Variants in SH3RF2 observed in about 807,000 individuals in gnomAD.
SH3RF2 encodes SH3 domain containing ring finger 2.
A neutral mutation model predicts 59.0 loss-of-function variants in SH3RF2; 43 were observed. The ratio of observed to expected loss-of-function variants is 0.73; its 90% CI spans 0.57 to 0.94. The LOEUF (loss-of-function observed/expected upper bound fraction) is 0.94. Ranked by LOEUF, SH3RF2 falls within the 40% of genes least tolerant of loss-of-function variation. The probability of loss-of-function intolerance (pLI) is 0.00; values close to 1 mark genes in which losing one functional copy is unlikely to be tolerated. For missense variants in SH3RF2, 930 were observed against 940.1 expected, an observed-to-expected ratio of 0.99 and a Z score of 0.14; for synonymous variants, 391 against 391.5, an observed-to-expected ratio of 1.00 and a Z score of 0.01.
chr5:145,943,301 T>A (rs972230403), intron 2 of SH3RF2, among the ~76,000 whole-genome samples: 1 of 149,850 alleles, frequency 6.7e-6, no homozygotes, highest in Non-Finnish European at 1.5e-5. Flanking sequence ...ACTGTAGTGA[T>A]GAGAAATAGG....
intron 2 of SH3RF2, among the ~76,000 whole-genome samples, chr5:145,950,803 A>G (rs188243860): frequency 1.3e-5 from 2 of 152,334 alleles, no homozygotes; most frequent in Non-Finnish European, 2.9e-5. Context: ...TTCATTCCTA[A>G]CAGAAACCCA....
chr5:146,027,349 T>C (rs1299423570), intron 5 of SH3RF2, among the ~76,000 whole-genome samples: 1 of 152,212 alleles, frequency 6.6e-6, no homozygotes. Context: ...TCGCAGTTTT[T>C]TCTGGGAATG....
chr5:146,038,035 T>A (rs957371859), intron 5 of SH3RF2, among the ~76,000 whole-genome samples: 2 of 152,182 alleles, frequency 1.3e-5, no homozygotes, highest in Non-Finnish European at 2.9e-5. Context: ...ATTAGAAAAT[T>A]AACTGATATA....
chr5:146,009,163 G>C (rs1162084480), intron 4 of SH3RF2, among the ~76,000 whole-genome samples: 1 of 152,170 alleles, frequency 6.6e-6, no homozygotes, highest in African/African-American at 2.4e-5. Context: ...GAATTGATGG[G>C]TCAGATGCTA....
chr5:146,055,640 T>C (rs781222146), intron 7 of SH3RF2, among the ~76,000 whole-genome samples: 6 of 152,204 alleles, frequency 3.9e-5, no homozygotes, highest in Non-Finnish European at 7.3e-5. Context: ...ACATATAGGA[T>C]CTTATGCTCT....
chr5:145,989,065 T>C (rs1759831308), intron 2 of SH3RF2, among the ~76,000 whole-genome samples: 1 of 152,164 alleles, frequency 6.6e-6, no homozygotes, highest in Admixed American at 6.5e-5. Flanking sequence ...GAAAGTTACA[T>C]TTCCCTTGCC....
intron 5 of SH3RF2, among the ~76,000 whole-genome samples, chr5:146,038,244 G>T (rs1762010246): frequency 6.6e-6 from 1 of 152,096 alleles, no homozygotes; most frequent in Non-Finnish European, 1.5e-5. Context: ...GTGAAATGTT[G>T]AAGGCATTTC....
chr5:146,054,601 C>A (rs1211200021), intron 7 of SH3RF2, among the ~76,000 whole-genome samples: 2 of 152,200 alleles, frequency 1.3e-5, no homozygotes, highest in Non-Finnish European at 2.9e-5. Flanking sequence ...CCATGGGGAC[C>A]AGAGACAGGT....
chr5:145,939,505 C>G (rs1294712104), intron 2 of SH3RF2, among the ~76,000 whole-genome samples: 1 of 152,168 alleles, frequency 6.6e-6, no homozygotes, highest in African/African-American at 2.4e-5. Flanking sequence ...ACCCATGGCG[C>G]ATGTGTAAAC....
downstream of SH3RF2, among the ~76,000 whole-genome samples, chr5:146,063,516 A>C (rs1252387024): frequency 6.6e-6 from 1 of 152,226 alleles, no homozygotes; most frequent in Non-Finnish European, 1.5e-5. Context: ...GCGTGCTTAC[A>C]AACAATCTTA....
intron 5 of SH3RF2, among the ~76,000 whole-genome samples, chr5:146,025,812 A>G (rs1257631597): frequency 6.6e-6 from 1 of 152,240 alleles, no homozygotes; most frequent in Non-Finnish European, 1.5e-5. Flanking sequence ...GCTTCTTGTC[A>G]TGGCTTTGCC....
intron 3 of SH3RF2, among the ~76,000 whole-genome samples, chr5:146,003,630 T>C (rs940613776): frequency 4.6e-5 from 7 of 152,230 alleles, no homozygotes; most frequent in Non-Finnish European, 8.8e-5. Context: ...AACAAAAAGT[T>C]GCTTTATGTT....
chr5:146,064,836 GA>G (rs1380372707), downstream of SH3RF2, among the ~76,000 whole-genome samples: 1 of 13,974 alleles, frequency 7.2e-5, no homozygotes, highest in Non-Finnish European at 3.0e-3. Context: ...AAGAAAGAAA[GA>G]AAGAAAGAAA....
chr5:146,052,840 T>C (rs1762545721), intron 7 of SH3RF2, among the ~76,000 whole-genome samples: 1 of 152,132 alleles, frequency 6.6e-6, no homozygotes. Context: ...CTATTATTAT[T>C]AGCAAGTTTT....
intron 5 of SH3RF2, among the ~76,000 whole-genome samples, chr5:146,018,733 T>C (rs1035064381): frequency 6.6e-6 from 1 of 152,204 alleles, no homozygotes; most frequent in African/African-American, 2.4e-5. Context: ...GTTAAACTAA[T>C]TTAAATTTCC....
rs1313243592 is a variant in SH3RF2, at chr5:146,056,208, G to GA, written c.1553dup (p.Asn519GlufsTer72). The GA allele has an allele frequency of 1.2e-6, 2 of 1,614,106 alleles. No homozygotes were observed. Among genetic ancestry groups the GA allele is most frequent in the Non-Finnish European group, 1.7e-6 (2 of 1,180,060 alleles). ...CTTCGGAAAGGGCGGAGCAGCATGA[G>GA]AAAGAGTAAGTGGTGGCAGAGAGGT... On this transcript the variant is annotated frameshift_variant, in exon 8 of 10. Coordinates refer to ENST00000359120, the MANE Select transcript of SH3RF2 (RefSeq NM_152550.4). LOFTEE classifies it high-confidence loss of function.
intron 3 of SH3RF2, among the ~76,000 whole-genome samples, chr5:146,003,784 C>G (rs1760523850): frequency 6.6e-6 from 1 of 152,150 alleles, no homozygotes; most frequent in Non-Finnish European, 1.5e-5. Context: ...AAAGCTTGGA[C>G]CCTGCTGGTG....
At chr5:146,007,267 A>C in intron 4 of SH3RF2, among the ~76,000 whole-genome samples, 1 of 152,214 alleles carries the variant, frequency 6.6e-6, no homozygotes. Context: ...AGGCCTCTGC[A>C]TTGCCCAGTT....
intron 2 of SH3RF2, among the ~76,000 whole-genome samples, chr5:145,954,906 G>A (rs1758334554): frequency 6.6e-6 from 1 of 151,844 alleles, no homozygotes; most frequent in Non-Finnish European, 1.5e-5. Context: ...GAGAGGAGAG[G>A]GTCGGGGAGT....
Sources: gnomAD v4.1 joint callset for allele counts (sites outside exome capture counted in the v4.1 genomes callset) on GRCh38, gnomAD v4.1.1 for gene constraint, MANE v1.5 for transcripts, NCBI Gene and HGNC (gene_info 2026-07-23, HGNC 2026-07-21) for gene names.